Variants in NCOR2 observed in about 807,000 individuals in gnomAD.
The protein encoded by NCOR2 is CTG repeat protein 26.
A neutral mutation model predicts 262.9 loss-of-function variants in NCOR2; 81 were observed. The observed-to-expected ratio is 0.31, with a 90% CI of 0.26 to 0.37. The LOEUF (loss-of-function observed/expected upper bound fraction) is 0.37, where lower values mean the gene tolerates loss of function less well. Among genes scored for constraint, NCOR2 ranks in the 10% least tolerant of loss-of-function variants. The pLI, the probability that NCOR2 is intolerant of heterozygous loss-of-function variation, is 1.00. For missense variants in NCOR2, 3,385 were observed against 3,621.4 expected, an observed-to-expected ratio of 0.93 and a Z score of 1.68; for synonymous variants, 1,659 against 1,559.3, an observed-to-expected ratio of 1.06 and a Z score of -1.51.
At chr12:124,334,980 ACCCTC>A in intron 40 of NCOR2, 150 bp downstream of exon 42, 1 of 1,143,530 alleles carries the variant, frequency 8.7e-7, no homozygotes, top group South Asian at 1.4e-5. Context: ...TTGGGATCTC[ACCCTC>A]ACCCACGCCC....
chr12:124,401,890 G>A (rs1228444274), intron 14 of NCOR2, among the ~76,000 whole-genome samples: 1 of 152,214 alleles, frequency 6.6e-6, no homozygotes, highest in East Asian at 1.9e-4. Flanking sequence ...CACTCCTGCA[G>A]CCCCTGGCAG....
Position 124,566,988 on chromosome 12 carries a change from C to CA in NCOR2, c.-165+319dup, listed in dbSNP as rs1489805501. On this transcript the variant is annotated intron_variant, in intron 1 of 32. Transcript: ENST00000458234. This position sits in a 1 kb window ranked among gnomAD's most constrained non-coding sequence, Gnocchi z 4.3. The stretch of plus-strand genomic sequence containing the variant: ...AAGGGACGCCTGGCGGCCAAGTCCC[C>CA]AGAGCCGGCGCACACTGTGGGGGGC... Among the ~76,000 whole-genome samples, 5 of 152,206 alleles carry CA rather than the reference C, an allele frequency of 3.3e-5. No homozygotes were observed. Among genetic ancestry groups the CA allele is most frequent in the African/African-American group, 1.2e-4 (5 of 41,460 alleles).
intron 13 of NCOR2, among the ~76,000 whole-genome samples, chr12:124,405,839 G>C (rs1418817125): frequency 2.0e-5 from 3 of 152,170 alleles, no homozygotes; most frequent in African/African-American, 7.2e-5. Flanking sequence ...GGCGAGGCTG[G>C]GCTGCTGGGT....
rs1398444688 is a variant in NCOR2, at chr12:124,482,503, GC to G, written c.411+1092del. Among the ~76,000 whole-genome samples, 1 of 152,168 alleles carries G rather than the reference GC, an allele frequency of 6.6e-6. No individual in the cohort carries two copies. Among genetic ancestry groups the G allele is most frequent in the Non-Finnish European group, 1.5e-5 (1 of 68,020 alleles). ...CCACCACCCATGCCGGCTCACGGGT[GC>G]CAAATAGTTCCCACGCATGGGGCCC... On this transcript the variant is annotated intron_variant, in intron 3 of 46. Coordinates refer to ENST00000405201, the Ensembl canonical transcript of NCOR2. The surrounding 1 kb of genome is among the most constrained non-coding windows in gnomAD (Gnocchi z 6.3).
chr12:124,524,618 T>C (rs1186760826), intron 1 of NCOR2, among the ~76,000 whole-genome samples: 5 of 152,224 alleles, frequency 3.3e-5, no homozygotes, highest in African/African-American at 1.2e-4. Flanking sequence ...TGTCCTACCC[T>C]GGCCACTCTG....
At chr12:124,351,780 A>G (rs2037492900) in intron 27 of NCOR2, among the ~76,000 whole-genome samples, 1 of 152,086 alleles carries the variant, frequency 6.6e-6, no homozygotes, top group South Asian at 2.1e-4. Flanking sequence ...TGCATTGATG[A>G]TTCTCAAAGG....
chr12:124,442,951 C>T (rs1030017361), intron 7 of NCOR2, among the ~76,000 whole-genome samples: 2 of 152,156 alleles, frequency 1.3e-5, no homozygotes, highest in Non-Finnish European at 2.9e-5. Flanking sequence ...ACGGGAGTGA[C>T]GCATCTCCCA....
intron 20 of NCOR2, among the ~76,000 whole-genome samples, chr12:124,369,788 C>G (rs993542643): frequency 6.6e-6 from 1 of 152,190 alleles, no homozygotes; most frequent in Non-Finnish European, 1.5e-5. Context: ...AAGGGGTGGA[C>G]GTACGCCAGG....
At chr12:124,446,907 A>C (rs992620973) in intron 7 of NCOR2, among the ~76,000 whole-genome samples, 1 of 151,908 alleles carries the variant, frequency 6.6e-6, no homozygotes, top group Non-Finnish European at 1.5e-5. Context: ...TTTGTTTTAT[A>C]TTATACTATA....
chr12:124,354,183 G>T, exon 27 of NCOR2: 1 of 1,601,236 alleles, frequency 6.2e-7, no homozygotes. Flanking sequence ...CCGGAACTGA[G>T]CCCAGAGCTG....
In NCOR2 at chr12:124,517,519, A is replaced by AGCCGGGCGCCGGG. The variant is rs2049886186; in HGVS notation, c.-118+18033_-118+18045dup. Among the ~76,000 whole-genome samples, 1 of 151,946 alleles carries AGCCGGGCGCCGGG rather than the reference A, an allele frequency of 6.6e-6. No individual in the cohort carries two copies. Among genetic ancestry groups the AGCCGGGCGCCGGG allele is most frequent in the Middle Eastern group, 3.4e-3 (1 of 294 alleles). On this transcript the variant is annotated intron_variant, in intron 1 of 46. Coordinates refer to the NCOR2 transcript ENST00000404621. This position sits in a 1 kb window ranked among gnomAD's most constrained non-coding sequence, Gnocchi z 7.6. Reference sequence around the variant, plus strand: ...CGAGCCAAGCGCCACCTCGGTGGGGAGCCGGGCGCCGGGGCCGGGCTGCAG... The same window carrying AGCCGGGCGCCGGG: ...CGAGCCAAGCGCCACCTCGGTGGGGAGCCGGGCGCCGGGGCCGGGCGCCGGGGCCGGGCTGCAG...
chr12:124,532,763 A>C (rs2050880881), intron 1 of NCOR2, among the ~76,000 whole-genome samples: 2 of 152,158 alleles, frequency 1.3e-5, no homozygotes. Context: ...TGGGAAAAAC[A>C]GCCCAGACCA....
chr12:124,567,507 A>AGGGCGC (rs1185247461), upstream of NCOR2: 5 of 146,706 alleles, frequency 3.4e-5, no homozygotes, highest in African/African-American at 4.9e-5. Flanking sequence ...CGCGGAGCGC[A>AGGGCGC]GGGCGCGGGC....
intron 4 of NCOR2, 98 bp from the exon 7 acceptor site, chr12:124,466,384 C>A: frequency 9.8e-7 from 1 of 1,021,766 alleles, no homozygotes; most frequent in African/African-American, 1.6e-5. Flanking sequence ...CAGCCCGGGC[C>A]ACGGCCGCGC....
chr12:124,498,943 C>T (rs940711984), upstream of NCOR2, among the ~76,000 whole-genome samples: 2 of 152,170 alleles, frequency 1.3e-5, no homozygotes, highest in African/African-American at 2.4e-5. Context: ...GGCACATCCA[C>T]GAGGCAGAAA....
chr12:124,429,378 T>C lies in NCOR2; in HGVS notation c.1149+235A>G, dbSNP rs572743622. ...TCTGGATGGGGGAGCGCCAGGGCCC[T>C]CCCTGCAGGGGGTCCTGCTACCCTC... On this transcript the variant is annotated intron_variant, in intron 10 of 46. Transcript: ENST00000405201. The C allele has an allele frequency of 1.5e-3, 826 of 549,430 alleles. 11 individuals carry two copies. In the East Asian group the frequency reaches 0.024, roughly 16 times the overall value. 34.0% of individuals were successfully genotyped at this position (549,430 alleles called of 1,614,324 possible). A position where few individuals can be genotyped will look rare whatever the true frequency, so the allele number is the denominator to read the frequency against.
chr12:124,356,531 G>T, intron 23 of NCOR2, 111 bp downstream of exon 25: 2 of 985,900 alleles, frequency 2.0e-6, no homozygotes, highest in Non-Finnish European at 2.7e-6. Flanking sequence ...CTCCAGCCAG[G>T]TCCCATAAGG....
At chr12:124,473,001 C>G in exon 4 of NCOR2, 1 of 1,614,166 alleles carries the variant, frequency 6.2e-7, no homozygotes, top group Non-Finnish European at 8.5e-7. Flanking sequence ...GGTGATCTCT[C>G]GGTCCACGCG....
In NCOR2 at chr12:124,457,248, A is replaced by C. The variant is rs2045925922; in HGVS notation, c.706-86T>G. ...ATAGAGGCTTCCCGGAGCAGCGGGC[A>C]CCTGCCCAGCCCAGTCCAGCATGCT... On this transcript the variant is annotated intron_variant, in intron 5 of 46. Coordinates refer to ENST00000405201, the Ensembl canonical transcript of NCOR2. This position sits in a 1 kb window ranked among gnomAD's most constrained non-coding sequence, Gnocchi z 4.0. The C allele has an allele frequency of 4.3e-6, 6 of 1,389,388 alleles. No individual in the cohort carries two copies. Among genetic ancestry groups the C allele is most frequent in the Non-Finnish European group, 5.7e-6 (6 of 1,046,672 alleles). The allele number at this position is 1,389,388 out of a possible 1,614,324, so 86.1% of individuals were successfully genotyped here. A position where few individuals can be genotyped will look rare whatever the true frequency, so the allele number is the denominator to read the frequency against.
Sources: gnomAD v4.1 joint callset for allele counts (sites outside exome capture counted in the v4.1 genomes callset) on GRCh38, gnomAD v4.1.1 for gene constraint, Gnocchi (gnomAD v3.1) non-coding constraint, MANE v1.5 for transcripts, NCBI Gene and HGNC (gene_info 2026-07-23, HGNC 2026-07-21) for gene names.